Variants in RBFOX1 observed in about 807,000 individuals in gnomAD.
The protein encoded by RBFOX1 is RNA binding protein fox-1 homolog 1.
In RBFOX1, 8 loss-of-function variants were observed where a neutral mutation model predicts 57.7. The ratio of observed to expected loss-of-function variants is 0.14; its 90% CI spans 0.08 to 0.25. The LOEUF (loss-of-function observed/expected upper bound fraction) is 0.25. Among genes scored for constraint, RBFOX1 ranks in the 10% least tolerant of loss-of-function variants. The pLI is 1.00. For synonymous variants in RBFOX1, 326 were observed against 222.4 expected (o/e 1.47, Z -4.15); for missense variants, 611 against 548.5 (o/e 1.11, Z -1.14).
chr16:5,785,000 C>T (rs1219173880), intron 3 of RBFOX1, among the ~76,000 whole-genome samples: 1 of 152,170 alleles, frequency 6.6e-6, no homozygotes, highest in Non-Finnish European at 1.5e-5. Context: ...ACCTACTTCA[C>T]TGGGTTGTTG....
At chr16:7,083,406 GAAGAGCATAACCAGGGGACTCA>G (rs552144373) in intron 4 of RBFOX1, among the ~76,000 whole-genome samples, 1,629 of 152,134 alleles carry the variant, frequency 0.011, 15 homozygotes, top group Non-Finnish European at 0.016. Context: ...GCAGAGGCAG[GAAGAGCATAACCAGGGGACTCA>G]TTTAGGCTCA....
intron 4 of RBFOX1, among the ~76,000 whole-genome samples, chr16:7,302,983 T>A (rs1011364761): frequency 2.6e-5 from 4 of 152,194 alleles, no homozygotes; most frequent in African/African-American, 7.2e-5. Flanking sequence ...TGTAATTTGC[T>A]CCCTGCAGCC....
chr16:6,477,936 C>G (rs762948881), intron 2 of RBFOX1, among the ~76,000 whole-genome samples: 6 of 152,164 alleles, frequency 3.9e-5, no homozygotes, highest in Non-Finnish European at 8.8e-5. Context: ...ATGAACCAAC[C>G]TCTGCTAGCT....
intron 2 of RBFOX1, among the ~76,000 whole-genome samples, chr16:6,611,421 T>G (rs1230607522): frequency 6.6e-6 from 1 of 152,164 alleles, no homozygotes; most frequent in African/African-American, 2.4e-5. Flanking sequence ...TGCTGGGATG[T>G]CAGGCGTGAG....
In RBFOX1 at chr16:6,535,544, C is replaced by T. The variant is rs561248134; in HGVS notation, c.-63-119059C>T. On this transcript the variant is annotated intron_variant, in intron 2 of 15. Transcript: ENST00000550418. ...GGTTTGTTCACATGTCAGGTTTATTCGTCAGTGTATCTTTAGCACATGTAA... is the reference window on the plus strand; with the variant it reads ...GGTTTGTTCACATGTCAGGTTTATTTGTCAGTGTATCTTTAGCACATGTAA... 3.3e-5 allele frequency among the ~76,000 whole-genome samples: 5 copies of T among 152,192 alleles called. No individual in the cohort carries two copies. The East Asian group carries it at 5.8e-4, about 18-fold the overall frequency.
At chr16:7,525,669 A>G (rs2078539626) in intron 5 of RBFOX1, among the ~76,000 whole-genome samples, 1 of 152,186 alleles carries the variant, frequency 6.6e-6, no homozygotes, top group Admixed American at 6.5e-5. Flanking sequence ...AAGTACTTTT[A>G]GAATTGTTGG....
rs551489659 is a variant in RBFOX1, at chr16:6,732,510, G to C, written c.-16+77860G>C. Among the ~76,000 whole-genome samples the C allele has an allele frequency of 1.5e-3, 227 of 152,306 alleles. 1 individual carries two copies. The highest frequency in any genetic ancestry group is 2.5e-3 in the Non-Finnish European group (167 of 68,032). ...CTTCCAGGGGGATGGGCTTAGGATCGTAATCTAGAAAACATTTAGTGTAGC... is the reference window on the plus strand; with the variant it reads ...CTTCCAGGGGGATGGGCTTAGGATCCTAATCTAGAAAACATTTAGTGTAGC... On this transcript the variant is annotated intron_variant, in intron 3 of 15. Coordinates refer to ENST00000550418, the MANE Select transcript of RBFOX1 (RefSeq NM_018723.4).
intron 3 of RBFOX1, among the ~76,000 whole-genome samples, chr16:6,956,682 T>G (rs2081918851): frequency 6.6e-6 from 1 of 152,216 alleles, no homozygotes. Flanking sequence ...TATTGCATCA[T>G]ATCAAAGGCA....
At chr16:7,071,869 C>T (rs115478243) in intron 4 of RBFOX1, among the ~76,000 whole-genome samples, 1,537 of 152,196 alleles carry the variant, frequency 0.01, 30 homozygotes, top group African/African-American at 0.035. Context: ...CTTTTTACAA[C>T]AGCTCCTAAT....
At chr16:5,725,841 C>T (rs774689708) in intron 3 of RBFOX1, among the ~76,000 whole-genome samples, 2 of 151,958 alleles carry the variant, frequency 1.3e-5, no homozygotes, top group African/African-American at 4.8e-5. Context: ...TTCTCTGCCT[C>T]TTGGTTGGCA....
At chr16:7,018,280 A>G (rs1351293889) in intron 3 of RBFOX1, among the ~76,000 whole-genome samples, 1 of 152,018 alleles carries the variant, frequency 6.6e-6, no homozygotes, top group Non-Finnish European at 1.5e-5. Flanking sequence ...ATGCAAGGGG[A>G]CTTCTAATAT....
At chr16:7,320,299 G>A (rs544045093) in intron 4 of RBFOX1, among the ~76,000 whole-genome samples, 1 of 151,914 alleles carries the variant, frequency 6.6e-6, no homozygotes, top group East Asian at 1.9e-4. Context: ...TCATTGTTCA[G>A]CTCCCACTTG....
intron 2 of RBFOX1, among the ~76,000 whole-genome samples, chr16:5,598,631 C>G (rs1374636350): frequency 3.3e-5 from 5 of 152,070 alleles, no homozygotes; most frequent in Admixed American, 3.3e-4. Context: ...TTTTCTTCAT[C>G]ATGTCCTGAA....
intron 4 of RBFOX1, among the ~76,000 whole-genome samples, chr16:5,942,564 C>A (rs1047516121): frequency 6.6e-6 from 1 of 152,162 alleles, no homozygotes; most frequent in Non-Finnish European, 1.5e-5. Flanking sequence ...ATTATGCCTA[C>A]CTCTTAGCAG....
At chr16:7,117,824 A>G (rs1483175417) in intron 4 of RBFOX1, among the ~76,000 whole-genome samples, 2 of 152,128 alleles carry the variant, frequency 1.3e-5, no homozygotes, top group East Asian at 3.9e-4. Flanking sequence ...CTCGAACAGG[A>G]TCTGCTTTCA....
At chr16:5,873,926 T>C (rs1480705750) in intron 4 of RBFOX1, among the ~76,000 whole-genome samples, 1 of 151,814 alleles carries the variant, frequency 6.6e-6, no homozygotes, top group Admixed American at 6.6e-5. Context: ...AAGGAAGAGA[T>C]GGGAAAAAAG....
At chr16:6,369,019 T>G (rs1271223132) in intron 2 of RBFOX1, among the ~76,000 whole-genome samples, 1 of 152,196 alleles carries the variant, frequency 6.6e-6, no homozygotes, top group East Asian at 1.9e-4. Context: ...CATGCTTGTG[T>G]AAAATTGAAA....
intron 1 of RBFOX1, among the ~76,000 whole-genome samples, chr16:6,187,614 T>C (rs1041665179): frequency 1.3e-5 from 2 of 152,212 alleles, no homozygotes; most frequent in African/African-American, 4.8e-5. Context: ...GAGATTTTCA[T>C]ATTAATCCAG....
chr16:5,973,352 C>G (rs138006462), intron 4 of RBFOX1, among the ~76,000 whole-genome samples: 3 of 152,216 alleles, frequency 2.0e-5, no homozygotes, highest in Non-Finnish European at 4.4e-5. Flanking sequence ...CCTGACCACT[C>G]TTCACCAACC....
Sources: gnomAD v4.1 joint callset for allele counts (sites outside exome capture counted in the v4.1 genomes callset) on GRCh38, gnomAD v4.1.1 for gene constraint, MANE v1.5 for transcripts, NCBI Gene and HGNC (gene_info 2026-07-23, HGNC 2026-07-21) for gene names.